SCAPER: variants seen among roughly 807,000 people sequenced by gnomAD.
SCAPER encodes the protein S phase cyclin A-associated protein in the endoplasmic reticulum.
A neutral mutation model predicts 182.2 loss-of-function variants in SCAPER; 98 were observed. The observed-to-expected ratio is 0.54, with a 90% CI of 0.46 to 0.64. SCAPER has a LOEUF of 0.64. Among genes scored for constraint, SCAPER ranks in the 30% least tolerant of loss-of-function variants. SCAPER has a pLI of 0.00. For missense variants in SCAPER, 1,432 were observed against 1,690.0 expected (o/e 0.85, Z 2.68); for synonymous variants, 605 against 564.6 (o/e 1.07, Z -1.01).
At chr15:76,376,374 A>C in intron 28 of SCAPER, 63 bp from the exon 29 acceptor site, 1 of 1,506,034 alleles carries the variant, frequency 6.6e-7, no homozygotes, top group East Asian at 2.4e-5. Flanking sequence ...TGCAAATCAC[A>C]AAGCAAGACT....
chr15:76,760,938 A>G lies in SCAPER; in HGVS notation c.1725+4023T>C, dbSNP rs564230121. Among the ~76,000 whole-genome samples, 15 of 152,234 alleles carry G rather than the reference A, an allele frequency of 9.9e-5. No individual in the cohort carries two copies. The East Asian group carries it at 2.9e-3, about 29-fold the overall frequency. ...GAAAATTTCAAGAAAGGTTGGTACT[A>G]CTTCTCCTTTATATGTTTCATAGAA... On this transcript the variant is annotated intron_variant, in intron 14 of 31. Transcript: ENST00000563290.
At position 76,434,227 on chromosome 15, in the gene SCAPER, G is replaced by C. The variant is rs1483741858; in HGVS notation, c.3162C>G (p.Leu1054=). The change falls in exon 26 of 32, where the codon CTC becomes CTG. Residue 1054 remains leucine (L), a synonymous_variant. Coordinates refer to ENST00000563290, the MANE Select transcript of SCAPER (RefSeq NM_020843.4). ...QVFEGLTTGL[L]KVSAVVLGCL... The stretch of plus-strand genomic sequence containing the variant: ...AGCCCAAAACCACAGCACTGACTTT[G>C]AGAAGTCCAGTTGTCAAGCCTTCAA... 1.9e-6 allele frequency: 3 copies of C among 1,613,716 alleles called. No individual in the cohort carries two copies. The highest frequency in any genetic ancestry group is 2.5e-6 in the Non-Finnish European group (3 of 1,179,856).
intron 24 of SCAPER, among the ~76,000 whole-genome samples, chr15:76,490,222 T>C (rs1162568414): frequency 1.3e-5 from 2 of 152,234 alleles, no homozygotes; most frequent in Non-Finnish European, 2.9e-5. Flanking sequence ...GAATCTATAC[T>C]GTTTTCCATA....
At chr15:76,395,976 G>C (rs982083098) in intron 27 of SCAPER, among the ~76,000 whole-genome samples, 1 of 152,036 alleles carries the variant, frequency 6.6e-6, no homozygotes, top group African/African-American at 2.4e-5. Flanking sequence ...TCATAGTTTT[G>C]AGGTCTTAAA....
intron 6 of SCAPER, among the ~76,000 whole-genome samples, chr15:76,801,527 T>C (rs575943414): frequency 8.5e-5 from 13 of 152,324 alleles, no homozygotes; most frequent in African/African-American, 2.9e-4. Flanking sequence ...GAATGCAAGA[T>C]GGATAATGCC....
intron 10 of SCAPER, among the ~76,000 whole-genome samples, chr15:76,769,646 A>C (rs1430833616): frequency 6.6e-6 from 1 of 150,550 alleles, no homozygotes; most frequent in Non-Finnish European, 1.5e-5. Flanking sequence ...AACGGCGATC[A>C]TTAAAAAGTC....
intron 27 of SCAPER, among the ~76,000 whole-genome samples, chr15:76,390,059 C>T (rs1239027093): frequency 6.6e-6 from 1 of 151,958 alleles, no homozygotes; most frequent in African/African-American, 2.4e-5. Flanking sequence ...TAGGCTCAAG[C>T]AATCCTCCCA....
chr15:76,780,772 A>T (rs2064072637), intron 8 of SCAPER, among the ~76,000 whole-genome samples: 1 of 152,190 alleles, frequency 6.6e-6, no homozygotes, highest in Non-Finnish European at 1.5e-5. Flanking sequence ...AGCAAACTCC[A>T]ACAGACCTGC....
At chr15:76,860,442 C>A (rs2071782465) in intron 3 of SCAPER, among the ~76,000 whole-genome samples, 1 of 151,988 alleles carries the variant, frequency 6.6e-6, no homozygotes, top group Non-Finnish European at 1.5e-5. Context: ...GCTAGGAAAA[C>A]TGAGAAAGAA....
chr15:76,399,461 T>C (rs1187047055), intron 27 of SCAPER, among the ~76,000 whole-genome samples: 4 of 152,204 alleles, frequency 2.6e-5, no homozygotes, highest in Admixed American at 2.6e-4. Context: ...AGAGTCCCAT[T>C]ACAGACTATT....
chr15:76,500,811 G>C (rs936585921), intron 24 of SCAPER, among the ~76,000 whole-genome samples: 1 of 152,048 alleles, frequency 6.6e-6, no homozygotes, highest in African/African-American at 2.4e-5. Context: ...AGGCCAAGGT[G>C]GGAGGATCAT....
chr15:76,883,349 A>C (rs2073676243), intron 2 of SCAPER, among the ~76,000 whole-genome samples: 1 of 152,164 alleles, frequency 6.6e-6, no homozygotes, highest in African/African-American at 2.4e-5. Flanking sequence ...TAGAAAAGTA[A>C]AGTGTGGGAG....
At chr15:76,407,896 C>A (rs2044977887) in intron 26 of SCAPER, among the ~76,000 whole-genome samples, 1 of 152,052 alleles carries the variant, frequency 6.6e-6, no homozygotes, top group Non-Finnish European at 1.5e-5. Context: ...CACACCCATC[C>A]TGCATAAAGT....
At chr15:76,641,095 T>C (rs972417993) in intron 21 of SCAPER, among the ~76,000 whole-genome samples, 2 of 152,196 alleles carry the variant, frequency 1.3e-5, no homozygotes, top group Non-Finnish European at 2.9e-5. Flanking sequence ...TACTCCCTTC[T>C]GAGAATTTCT....
At chr15:76,793,210 T>C (rs777277596) in intron 8 of SCAPER, 1 of 1,155,776 alleles carries the variant, frequency 8.7e-7, no homozygotes, top group South Asian at 1.4e-5. Context: ...CTACTGTTAT[T>C]ATATATTACT....
chr15:76,891,631 A>T (rs2074172751), intron 1 of SCAPER, among the ~76,000 whole-genome samples: 1 of 152,220 alleles, frequency 6.6e-6, no homozygotes, highest in African/African-American at 2.4e-5. Flanking sequence ...CTCTTCAAGG[A>T]GAACTACAAA....
chr15:76,767,068 A>G lies in SCAPER; in HGVS notation c.1269T>C (p.Ala423=). The part of the protein sequence containing the change: ...DISNSMAEVL[A]KKEELADRLE... The stretch of plus-strand genomic sequence containing the variant: ...GACGATCTGCTAGCTCTTCTTTTTT[A>G]GCAAGGACTTCTGCCATGGACTATA... Residue 423 remains alanine, a synonymous_variant, in exon 11 of 32, where the codon GCT becomes GCC. Transcript: ENST00000563290. 1 of 1,594,034 alleles carries G rather than the reference A, an allele frequency of 6.3e-7. No homozygotes were observed. Among genetic ancestry groups the G allele is most frequent in the Non-Finnish European group, 8.5e-7 (1 of 1,169,608 alleles).
At chr15:76,509,887 C>T (rs140920393) in intron 23 of SCAPER, among the ~76,000 whole-genome samples, 97 of 152,108 alleles carry the variant, frequency 6.4e-4, no homozygotes, top group African/African-American at 2.0e-3. Flanking sequence ...CACAGACCAA[C>T]GGAACAGAAC....
Position 76,483,593 on chromosome 15 carries a change from A to C in SCAPER, c.2955-12258T>G, listed in dbSNP as rs866520782. 8.5e-5 allele frequency among the ~76,000 whole-genome samples: 13 copies of C among 152,280 alleles called. No homozygotes were observed. In the Middle Eastern group the frequency reaches 0.01, roughly 120 times the overall value. On this transcript the variant is annotated intron_variant, in intron 24 of 31. Transcript: ENST00000563290. ...CAAACTAGGAGAAAAATACATGGAA[A>C]ACACATATCTGATAAAGTATTTGTA...
Sources: allele counts gnomAD v4.1 joint callset (sites outside exome capture counted in the v4.1 genomes callset), GRCh38; gene constraint gnomAD v4.1.1; transcripts MANE v1.5; gene names NCBI Gene and HGNC (gene_info 2026-07-23, HGNC 2026-07-21).